Variants in ETF1 observed in about 807,000 individuals in gnomAD.
The protein encoded by ETF1 is eukaryotic translation termination factor 1.
ETF1 carries 4 observed loss-of-function variants against 55.1 expected under a neutral mutation model. The ratio of observed to expected loss-of-function variants is 0.07; its 90% confidence interval spans 0.04 to 0.17. The LOEUF is 0.17. ETF1 is among the 10% of genes least tolerant of loss of function. ETF1 has a pLI of 1.00. For missense variants in ETF1, 142 were observed against 523.6 expected (o/e 0.27, Z 7.11); for synonymous variants, 157 against 182.3 (o/e 0.86, Z 1.12).
At chr5:138,539,049 T>G (rs1159593382) in intron 2 of ETF1, among the ~76,000 whole-genome samples, 1 of 152,216 alleles carries the variant, frequency 6.6e-6, no homozygotes, top group Non-Finnish European at 1.5e-5. Context: ...AGCAGAAGTT[T>G]GCAAGCTCAC....
At chr5:138,537,206 C>T (rs938986816) in intron 2 of ETF1, among the ~76,000 whole-genome samples, 6 of 152,166 alleles carry the variant, frequency 3.9e-5, no homozygotes, top group African/African-American at 1.4e-4. Context: ...TGTCCTCTTC[C>T]CTTTACTACC....
intron 2 of ETF1, among the ~76,000 whole-genome samples, chr5:138,534,809 ACTAAAGG>A (rs917062080): frequency 9.9e-5 from 15 of 152,218 alleles, no homozygotes; most frequent in Non-Finnish European, 1.9e-4. Context: ...ACTGACCCTT[ACTAAAGG>A]CTGTGATATT....
At chr5:138,532,746 A>G (rs1411032725) in intron 2 of ETF1, among the ~76,000 whole-genome samples, 1 of 152,214 alleles carries the variant, frequency 6.6e-6, no homozygotes, top group Non-Finnish European at 1.5e-5. Context: ...TATGGCCAGA[A>G]CACTGGAAAC....
intron 6 of ETF1, among the ~76,000 whole-genome samples, chr5:138,512,131 T>C (rs1764808442): frequency 7.7e-6 from 1 of 130,558 alleles, no homozygotes; most frequent in African/African-American, 2.9e-5. Flanking sequence ...GCCTGGGAGA[T>C]CGAGGCTGCA....
intron 2 of ETF1, among the ~76,000 whole-genome samples, chr5:138,522,580 G>GCA (rs1375284268): frequency 3.4e-5 from 5 of 149,022 alleles, no homozygotes; most frequent in African/African-American, 1.3e-4. Flanking sequence ...ATTCATAATA[G>GCA]TAAAAAAAAA....
chr5:138,531,850 C>A (rs909884021), intron 2 of ETF1, among the ~76,000 whole-genome samples: 24 of 152,182 alleles, frequency 1.6e-4, no homozygotes, highest in African/African-American at 5.3e-4. Context: ...ATTGAGATCA[C>A]CCTGGCTAAC....
At chr5:138,514,561 C>A (rs1034530913) in intron 4 of ETF1, among the ~76,000 whole-genome samples, 21 of 150,294 alleles carry the variant, frequency 1.4e-4, no homozygotes, top group African/African-American at 4.2e-4. Flanking sequence ...AAAACTTTAA[C>A]TTGTTCCTTT....
At position 138,517,894 on chromosome 5, in the gene ETF1, C is replaced by T. The variant is rs529749379; in HGVS notation, c.263-194G>A. 18 of 985,038 alleles carry T rather than the reference C, an allele frequency of 1.8e-5. No homozygotes were observed. In the Middle Eastern group the frequency reaches 1.6e-3, roughly 86 times the overall value. The allele number at this position is 985,038 out of a possible 1,614,324, so 61.0% of individuals were successfully genotyped here. A position where few individuals can be genotyped will look rare whatever the true frequency, so the allele number is the denominator to read the frequency against. On this transcript the variant is annotated intron_variant, in intron 3 of 10. Coordinates refer to ENST00000360541, the MANE Select transcript of ETF1 (RefSeq NM_004730.4). ...AAACTTCTTCTGAGACGTTTCAGTA[C>T]GATTTATTCTTTAAAGTAAACAGGC... is the stretch of plus-strand genomic sequence containing the variant.
In ETF1 at chr5:138,508,262, T is replaced by C. The variant is rs745841566; in HGVS notation, c.*43A>G. The C allele has an allele frequency of 6.2e-7, 1 of 1,601,632 alleles. No individual in the cohort carries two copies. Among genetic ancestry groups the C allele is most frequent in the Non-Finnish European group, 8.5e-7 (1 of 1,174,008 alleles). ...CCATGGGTATGCTCCTTGGGTTGGA[T>C]GCTGGAGGGTGAGGCACGTTTTGCC... On this transcript the variant is annotated 3_prime_UTR_variant, in exon 11 of 11. Transcript: ENST00000360541.
At chr5:138,535,428 G>T (rs1013551706) in intron 2 of ETF1, among the ~76,000 whole-genome samples, 1 of 150,164 alleles carries the variant, frequency 6.7e-6, no homozygotes, top group African/African-American at 2.4e-5. Flanking sequence ...TTTAATAAAA[G>T]ATGAATTTCG....
intron 5 of ETF1, 143 bp downstream of exon 5, chr5:138,513,425 C>T (rs1322605370): frequency 3.7e-6 from 3 of 804,226 alleles, no homozygotes; most frequent in South Asian, 2.2e-5. Context: ...GGGCTGGTCT[C>T]GAACTTCTGA....
At chr5:138,525,524 A>T (rs1765432668) in intron 2 of ETF1, among the ~76,000 whole-genome samples, 2 of 152,194 alleles carry the variant, frequency 1.3e-5, no homozygotes, top group Non-Finnish European at 2.9e-5. Flanking sequence ...AGGAAACTAG[A>T]AATCCCAAAT....
intron 2 of ETF1, among the ~76,000 whole-genome samples, chr5:138,525,095 G>A (rs1765412387): frequency 6.6e-6 from 1 of 151,336 alleles, no homozygotes; most frequent in Admixed American, 6.6e-5. Flanking sequence ...AGTAATTTGT[G>A]TTTTTACTAA....
chr5:138,532,589 G>A (rs1423951794), intron 2 of ETF1, among the ~76,000 whole-genome samples: 1 of 152,212 alleles, frequency 6.6e-6, no homozygotes, highest in Non-Finnish European at 1.5e-5. Flanking sequence ...GGGGAGAGAG[G>A]TAATATCAGA....
At chr5:138,536,838 A>G (rs551041594) in intron 2 of ETF1, among the ~76,000 whole-genome samples, 14 of 152,260 alleles carry the variant, frequency 9.2e-5, no homozygotes, top group African/African-American at 3.1e-4. Flanking sequence ...CTCAATCTCA[A>G]GTTCAAAGAA....
At position 138,542,653 on chromosome 5, in the gene ETF1, C is replaced by T. The variant is rs947165362; in HGVS notation, c.86+180G>A. The stretch of plus-strand genomic sequence containing the variant: ...CCTTACCCCCATGCGGGGAAAGGAC[C>T]CCTTCTCGGGCCAACCGCGCCGACC... On this transcript the variant is annotated intron_variant, in intron 2 of 10. Coordinates refer to ENST00000360541, the MANE Select transcript of ETF1 (RefSeq NM_004730.4). 3.5e-6 allele frequency: 5 copies of T among 1,431,766 alleles called. No individual in the cohort carries two copies. In the Admixed American group the frequency reaches 1.4e-4, roughly 40 times the overall value. The allele number at this position is 1,431,766 out of a possible 1,614,324, so 88.7% of individuals were successfully genotyped here. A position where few individuals can be genotyped will look rare whatever the true frequency, so the allele number is the denominator to read the frequency against.
At chr5:138,536,433 G>C (rs1765934592) in intron 2 of ETF1, among the ~76,000 whole-genome samples, 1 of 152,208 alleles carries the variant, frequency 6.6e-6, no homozygotes. Context: ...AACCGTATCA[G>C]AGGGAGCTTC....
chr5:138,510,677 A>G (rs1307762970), intron 8 of ETF1, 48 bp from the exon 9 acceptor site: 1 of 1,608,102 alleles, frequency 6.2e-7, no homozygotes. Flanking sequence ...CTCATATACT[A>G]ATCTGTGTAA....
chr5:138,527,471 A>G (rs1184672151), intron 2 of ETF1, among the ~76,000 whole-genome samples: 1 of 152,226 alleles, frequency 6.6e-6, no homozygotes, highest in African/African-American at 2.4e-5. Flanking sequence ...TCTAAACTGT[A>G]ATTTCCAAAA....
Sources: allele counts gnomAD v4.1 joint callset (sites outside exome capture counted in the v4.1 genomes callset), GRCh38; gene constraint gnomAD v4.1.1; transcripts MANE v1.5; gene names NCBI Gene and HGNC (gene_info 2026-07-23, HGNC 2026-07-21).